The following TMEM163 variants were observed in gnomAD, a reference collection of about 807,000 sequenced individuals.
TMEM163 encodes transmembrane protein 163.
A neutral mutation model predicts 29.3 loss-of-function variants in TMEM163; 17 were observed. That is an observed-to-expected ratio of 0.58 (90% confidence interval 0.40 to 0.87). The LOEUF (loss-of-function observed/expected upper bound fraction) is 0.87, where lower values mean the gene tolerates loss of function less well. Ranked by LOEUF, TMEM163 falls within the 40% of genes least tolerant of loss-of-function variation. TMEM163 has a pLI of 0.00. For missense variants in TMEM163, 303 were observed against 381.5 expected (o/e 0.79, Z 1.71); for synonymous variants, 157 against 160.6 (o/e 0.98, Z 0.17).
At chr2:134,491,170 C>T (rs946633094) in intron 5 of TMEM163, among the ~76,000 whole-genome samples, 2 of 152,098 alleles carry the variant, frequency 1.3e-5, no homozygotes, top group Non-Finnish European at 1.5e-5. Context: ...ATGTGAAGAG[C>T]GAAGCACTCA....
intron 4 of TMEM163, among the ~76,000 whole-genome samples, chr2:134,522,609 T>C (rs370914903): frequency 1.3e-5 from 2 of 152,254 alleles, no homozygotes; most frequent in African/African-American, 4.8e-5. Flanking sequence ...GATCCCATAG[T>C]GGCTTCACCA....
chr2:134,463,339 T>C (rs1686594222), intron 6 of TMEM163, among the ~76,000 whole-genome samples: 1 of 152,138 alleles, frequency 6.6e-6, no homozygotes, highest in Non-Finnish European at 1.5e-5. Flanking sequence ...GCTACACTCA[T>C]CCCTAAGGAA....
chr2:134,565,959 C>CGG (rs1039465657), intron 2 of TMEM163, among the ~76,000 whole-genome samples: 1 of 152,100 alleles, frequency 6.6e-6, no homozygotes, highest in African/African-American at 2.4e-5. Flanking sequence ...GTGTCAAAGA[C>CGG]GGGGCATGAA....
At chr2:134,592,595 G>C (rs559596608) in intron 2 of TMEM163, among the ~76,000 whole-genome samples, 1 of 152,036 alleles carries the variant, frequency 6.6e-6, no homozygotes, top group Non-Finnish European at 1.5e-5. Context: ...GTATAACAAG[G>C]CGTGTGCTCC....
At chr2:134,643,524 T>C (rs1199230926) in intron 2 of TMEM163, among the ~76,000 whole-genome samples, 1 of 151,884 alleles carries the variant, frequency 6.6e-6, no homozygotes, top group Non-Finnish European at 1.5e-5. Context: ...CCAAAGAAAG[T>C]ATAAAAAGAG....
chr2:134,598,635 T>C (rs932402986), intron 2 of TMEM163, among the ~76,000 whole-genome samples: 1 of 152,110 alleles, frequency 6.6e-6, no homozygotes, highest in African/African-American at 2.4e-5. Flanking sequence ...CGTTGCAGGC[T>C]GGGCGTGGTG....
chr2:134,539,611 A>T (rs1361547193), intron 4 of TMEM163, among the ~76,000 whole-genome samples: 1 of 152,234 alleles, frequency 6.6e-6, no homozygotes. Flanking sequence ...AGAAAATTTA[A>T]AAAGTCTAAG....
intron 2 of TMEM163, among the ~76,000 whole-genome samples, chr2:134,570,524 A>ATAT: frequency 6.8e-6 from 1 of 148,076 alleles, no homozygotes; most frequent in Middle Eastern, 3.5e-3. Flanking sequence ...ATACATATAC[A>ATAT]ACATAGTCAT....
In TMEM163 at chr2:134,581,004, C is replaced by T. The variant is rs79396621; in HGVS notation, c.323-28913G>A. Among the ~76,000 whole-genome samples the T allele has an allele frequency of 1.4e-3, 214 of 152,236 alleles. 2 individuals carry two copies. Among genetic ancestry groups the T allele is most frequent in the African/African-American group, 5.1e-3 (210 of 41,536 alleles). ...CTCCAGGCGGGGCTTCATGAGATAACCTCTGGGGCTCAATTCAGTCCCTGG... is the reference window on the plus strand; with the variant it reads ...CTCCAGGCGGGGCTTCATGAGATAATCTCTGGGGCTCAATTCAGTCCCTGG... On this transcript the variant is annotated intron_variant, in intron 2 of 7. Transcript: ENST00000281924.
intron 2 of TMEM163, among the ~76,000 whole-genome samples, chr2:134,648,300 T>TTCTCCTCTTCTCTTCTCTTC (rs1558976964): frequency 1.9e-5 from 1 of 51,320 alleles, no homozygotes; most frequent in Non-Finnish European, 5.7e-5. Context: ...ATCTCACTGC[T>TTCTCCTCTTCTCTTCTCTTC]TCTCCTCTTC....
At chr2:134,530,694 G>A (rs971196692) in intron 4 of TMEM163, among the ~76,000 whole-genome samples, 8 of 152,156 alleles carry the variant, frequency 5.3e-5, no homozygotes, top group African/African-American at 1.9e-4. Context: ...ACTAGGTTAA[G>A]GCTTTTTCTT....
Position 134,458,107 on chromosome 2 carries a change from T to C in TMEM163, c.734A>G (p.His245Arg), listed in dbSNP as rs767118071. The C allele has an allele frequency of 6.2e-7, 1 of 1,614,178 alleles. No homozygotes were observed. Among genetic ancestry groups the C allele is most frequent in the Non-Finnish European group, 8.5e-7 (1 of 1,180,026 alleles). ...SILLSAEVFK[H>R]DSAVWYLDGS... ...GTCCAGGTACCAGACCGCCGAGTCA[T>C]GCTTGAACACTTCCGCGCTCAGAAG... The change falls in exon 7 of 8, where the codon CAT becomes CGT. Residue 245 changes from histidine (H) to arginine (R), a missense_variant. Transcript: ENST00000281924.
chr2:134,504,295 C>T (rs1484128000), intron 4 of TMEM163, among the ~76,000 whole-genome samples: 4 of 152,056 alleles, frequency 2.6e-5, no homozygotes, highest in Non-Finnish European at 5.9e-5. Context: ...CCTTCAAAAG[C>T]AAAGACGGAA....
At chr2:134,550,753 T>C in intron 3 of TMEM163, 92 bp from the exon 4 acceptor site, 3 of 1,203,796 alleles carry the variant, frequency 2.5e-6, no homozygotes, top group East Asian at 2.4e-5. Flanking sequence ...ACTCAGAACA[T>C]CTGCATGAGT....
At chr2:134,702,401 T>C (rs143242114) in intron 2 of TMEM163, among the ~76,000 whole-genome samples, 37 of 152,294 alleles carry the variant, frequency 2.4e-4, no homozygotes, top group African/African-American at 8.2e-4. Flanking sequence ...CCCAACACTT[T>C]TGGGAGGCTA....
chr2:134,599,629 C>A (rs1228594044), intron 2 of TMEM163, among the ~76,000 whole-genome samples: 1 of 151,802 alleles, frequency 6.6e-6, no homozygotes, highest in Non-Finnish European at 1.5e-5. Context: ...AGCAGCCCAG[C>A]TGAGCAAGAC....
intron 2 of TMEM163, among the ~76,000 whole-genome samples, chr2:134,639,778 A>G (rs933943070): frequency 3.9e-5 from 6 of 152,212 alleles, no homozygotes; most frequent in African/African-American, 1.4e-4. Context: ...ACCACCGTTG[A>G]CAATGAAATT....
chr2:134,696,538 C>T (rs921152280), intron 2 of TMEM163, among the ~76,000 whole-genome samples: 3 of 152,158 alleles, frequency 2.0e-5, no homozygotes, highest in African/African-American at 4.8e-5. Flanking sequence ...CATGAGATTT[C>T]TCTCTATTCA....
intron 2 of TMEM163, among the ~76,000 whole-genome samples, chr2:134,575,109 G>A (rs1681522295): frequency 6.6e-6 from 1 of 152,094 alleles, no homozygotes; most frequent in Admixed American, 6.6e-5. Flanking sequence ...CCAGAGGGAG[G>A]AAGGGAACGC....
Sources: gnomAD v4.1 joint callset for allele counts (sites outside exome capture counted in the v4.1 genomes callset) on GRCh38, gnomAD v4.1.1 for gene constraint, MANE v1.5 for transcripts, NCBI Gene and HGNC (gene_info 2026-07-23, HGNC 2026-07-21) for gene names.